TRDMT1: variants seen among roughly 807,000 people sequenced by gnomAD.
The protein encoded by TRDMT1 is tRNA (cytosine(38)-C(5))-methyltransferase.
TRDMT1 carries 49 observed loss-of-function variants against 51.2 expected under a neutral mutation model. The observed-to-expected ratio is 0.96, with a 90% CI of 0.76 to 1.21. The LOEUF (loss-of-function observed/expected upper bound fraction) is 1.21. Among genes scored for constraint, TRDMT1 ranks in the 50% most tolerant of loss-of-function variants. TRDMT1 has a pLI of 0.00. For synonymous variants in TRDMT1, 187 were observed against 164.6 expected (o/e 1.14, Z -1.04); for missense variants, 534 against 462.3 (o/e 1.16, Z -1.42).
At chr10:17,168,955 A>G (rs759811371) in intron 2 of TRDMT1, 38 bp from the exon 3 acceptor site, 1 of 1,369,326 alleles carries the variant, frequency 7.3e-7, no homozygotes, top group South Asian at 1.3e-5. Context: ...AAGAACATAA[A>G]AACATGGATA....
Position 17,143,440 on chromosome 10 carries a change from T to G in TRDMT1, c.*5600A>C, listed in dbSNP as rs1837842238. The G allele has an allele frequency of 1.0e-6, 1 of 985,346 alleles. No individual in the cohort carries two copies. Among genetic ancestry groups the G allele is most frequent in the African/African-American group, 1.7e-5 (1 of 57,256 alleles). 61.0% of individuals were successfully genotyped at this position (985,346 alleles called of 1,614,324 possible). A position where few individuals can be genotyped will look rare whatever the true frequency, so the allele number is the denominator to read the frequency against. ...TCAGCTCTTAAATATGAAAGTCAAC[T>G]CATTTCTACTACACAAGGAGTATCA... On this transcript the variant is annotated 3_prime_UTR_variant, in exon 11 of 11. Coordinates refer to ENST00000377799, the MANE Select transcript of TRDMT1 (RefSeq NM_004412.7).
At chr10:17,168,532 C>T (rs767535096) in intron 3 of TRDMT1, among the ~76,000 whole-genome samples, 44 of 152,094 alleles carry the variant, frequency 2.9e-4, no homozygotes, top group Non-Finnish European at 4.9e-4. Context: ...TGTTGTGGGA[C>T]GGACCCGGTG....
chr10:17,172,601 C>A (rs12246225), intron 2 of TRDMT1, among the ~76,000 whole-genome samples: 1,919 of 152,052 alleles, frequency 0.013, 42 homozygotes, highest in African/African-American at 0.044. Flanking sequence ...CACATATAAC[C>A]AACAAGAGAC....
chr10:17,201,458 T>C lies in TRDMT1; in HGVS notation c.64+113A>G, dbSNP rs533076399. The C allele has an allele frequency of 1.1e-3, 1,337 of 1,176,210 alleles. 22 individuals are homozygous for C. The South Asian group carries it at 0.018, about 16-fold the overall frequency. 72.9% of individuals were successfully genotyped at this position (1,176,210 alleles called of 1,614,324 possible). On this transcript the variant is annotated intron_variant, in intron 1 of 10. Coordinates refer to ENST00000377799, the MANE Select transcript of TRDMT1 (RefSeq NM_004412.7). ...GACAACCGAGGGCCGCCCCACAGTG[T>C]CCGCCCCACAGTGTCCGCCCCTTGC... is the stretch of plus-strand genomic sequence containing the variant.
In TRDMT1 at chr10:17,145,656, T is replaced by C. The variant is rs1028099174; in HGVS notation, c.*3384A>G. The C allele has an allele frequency of 1.0e-5, 10 of 985,366 alleles. No individual in the cohort carries two copies. Among genetic ancestry groups the C allele is most frequent in the Middle Eastern group, 5.2e-4 (1 of 1,936 alleles). The allele number at this position is 985,366 out of a possible 1,614,324, so 61.0% of individuals were successfully genotyped here. ...ATAAGCAATTCAGGAAAACCCACTT[T>C]AATCTCTTTGTCTATGTGGGATTAA... is the stretch of plus-strand genomic sequence containing the variant. On this transcript the variant is annotated 3_prime_UTR_variant, in exon 11 of 11. Transcript: ENST00000377799.
intron 1 of TRDMT1, chr10:17,201,227 T>C (rs1220414364): frequency 5.1e-5 from 12 of 237,176 alleles, no homozygotes; most frequent in South Asian, 8.9e-5. Context: ...TCTCGGTGGC[T>C]GCACACTTAG....
chr10:17,154,750 A>T lies in TRDMT1; in HGVS notation c.888-16T>A, dbSNP rs1839268976. On this transcript the variant is annotated splice_polypyrimidine_tract_variant and intron_variant, in intron 8 of 10. Transcript: ENST00000377799. ...GCTTCCATATCTGAAAAATCAACAC[A>T]ACAATTATGCAGCACCTGATGTATG... is the stretch of plus-strand genomic sequence containing the variant. 1.3e-6 allele frequency: 2 copies of T among 1,597,694 alleles called. No homozygotes were observed. Among genetic ancestry groups the T allele is most frequent in the African/African-American group, 1.3e-5 (1 of 74,120 alleles).
At chr10:17,180,243 A>G (rs966546103) in intron 1 of TRDMT1, among the ~76,000 whole-genome samples, 18 of 152,224 alleles carry the variant, frequency 1.2e-4, no homozygotes, top group African/African-American at 4.1e-4. Flanking sequence ...GACAAACAAT[A>G]TAAATTTTCT....
chr10:17,144,987 C>A lies in TRDMT1; in HGVS notation c.*4053G>T. 2 of 985,094 alleles carry A rather than the reference C, an allele frequency of 2.0e-6. No homozygotes were observed. The highest frequency in any genetic ancestry group is 2.4e-6 in the Non-Finnish European group (2 of 829,774). 61.0% of individuals were successfully genotyped at this position (985,094 alleles called of 1,614,324 possible). ...GGGAGGCTGGGCGTGGTGGCTCATG[C>A]CTGTAAAACCCAGCACTTAGGGAAG... On this transcript the variant is annotated 3_prime_UTR_variant, in exon 11 of 11. Coordinates refer to ENST00000377799, the MANE Select transcript of TRDMT1 (RefSeq NM_004412.7).
chr10:17,153,083 C>T lies in TRDMT1; in HGVS notation c.1075+424G>A, dbSNP rs942758539. On this transcript the variant is annotated intron_variant, in intron 10 of 10. Coordinates refer to ENST00000377799, the MANE Select transcript of TRDMT1 (RefSeq NM_004412.7). ...GAGAATAAATACCAATACACCCCCA[C>T]CCTTCGAAAATAATCCCTCAACTGC... 8 of 212,734 alleles carry T rather than the reference C, an allele frequency of 3.8e-5. No individual in the cohort carries two copies. The East Asian group carries it at 4.2e-4, about 11-fold the overall frequency. 13.2% of individuals were successfully genotyped at this position (212,734 alleles called of 1,614,324 possible).
chr10:17,201,396 AGGGGTGGACACGGC>A, intron 1 of TRDMT1, 161 bp downstream of exon 1: 2 of 571,558 alleles, frequency 3.5e-6, no homozygotes, highest in Non-Finnish European at 5.9e-6. Flanking sequence ...CAGCGTCTGG[AGGGGTGGACACGGC>A]GGCGCGCAGG....
chr10:17,153,546 T>C lies in TRDMT1; in HGVS notation c.1036A>G (p.Lys346Glu), dbSNP rs1839070700. ...AATCCAAGGAGATTTGCTATTTCTTTAGGAGTGAAATATCGCAGTTTAAGT... is the reference window on the plus strand; with the variant it reads ...AATCCAAGGAGATTTGCTATTTCTTCAGGAGTGAAATATCGCAGTTTAAGT... ...LILKLRYFTPKEIANLLGFPP... is the reference protein window; with the variant it reads ...LILKLRYFTPEEIANLLGFPP... Residue 346 changes from lysine (K) to glutamate (E), a missense_variant, in exon 10 of 11, where the codon AAA becomes GAA. Physicochemically the swap from Lys to Glu is moderately conservative, Grantham distance 56 (BLOSUM62 1). Transcript: ENST00000377799. 5 of 1,613,938 alleles carry C rather than the reference T, an allele frequency of 3.1e-6. No homozygotes were observed. The highest frequency in any genetic ancestry group is 1.6e-4 in the Middle Eastern group (1 of 6,084).
chr10:17,146,938 G>T lies in TRDMT1; in HGVS notation c.*2102C>A. 1.0e-6 allele frequency: 1 copy of T among 985,268 alleles called. No homozygotes were observed. The highest frequency in any genetic ancestry group is 1.7e-5 in the African/African-American group (1 of 57,280). The allele number at this position is 985,268 out of a possible 1,614,324, so 61.0% of individuals were successfully genotyped here. On this transcript the variant is annotated 3_prime_UTR_variant, in exon 11 of 11. Coordinates refer to ENST00000377799, the MANE Select transcript of TRDMT1 (RefSeq NM_004412.7). The stretch of plus-strand genomic sequence containing the variant: ...TGCATATTTTCAATTATGAATTAAG[G>T]GCAAGAATCACCGTCTTCCTGTGAA...
At chr10:17,187,516 A>G (rs1844099263) in intron 1 of TRDMT1, among the ~76,000 whole-genome samples, 1 of 152,216 alleles carries the variant, frequency 6.6e-6, no homozygotes. Context: ...AGCATCCAAC[A>G]TACAATGGTG....
chr10:17,174,722 C>G, intron 1 of TRDMT1, 62 bp from the exon 2 acceptor site: 1 of 1,222,530 alleles, frequency 8.2e-7, no homozygotes, highest in Non-Finnish European at 1.2e-6. Context: ...AGAAAGAAAT[C>G]AAAATAGCAG....
chr10:17,169,414 TC>T (rs1841666194), intron 2 of TRDMT1: 1 of 1,287,622 alleles, frequency 7.8e-7, no homozygotes, highest in East Asian at 5.6e-5. Flanking sequence ...GGCCTCATTC[TC>T]AGATATCCAC....
At chr10:17,183,378 G>A (rs370955903) in intron 1 of TRDMT1, among the ~76,000 whole-genome samples, 2 of 151,996 alleles carry the variant, frequency 1.3e-5, no homozygotes, top group South Asian at 2.1e-4. Context: ...TGAATAATTC[G>A]ATTTTTTTCT....
At chr10:17,151,554 G>A in intron 10 of TRDMT1, 1 of 985,510 alleles carries the variant, frequency 1.0e-6, no homozygotes, top group Non-Finnish European at 1.2e-6. Context: ...GCTGCTCAGT[G>A]GTGACATCAG....
intron 3 of TRDMT1, 22 bp from the exon 4 acceptor site, chr10:17,162,259 A>AAC (rs1554755734): frequency 1.3e-6 from 2 of 1,549,044 alleles, no homozygotes; most frequent in Admixed American, 4.2e-5. Flanking sequence ...AAAAAAAAAA[A>AAC]AAACAAAAAA....
Sources: gnomAD v4.1 joint callset for allele counts (sites outside exome capture counted in the v4.1 genomes callset) on GRCh38, gnomAD v4.1.1 for gene constraint, MANE v1.5 for transcripts, NCBI Gene and HGNC (gene_info 2026-07-23, HGNC 2026-07-21) for gene names.